The following NPFFR1 variants were observed in gnomAD, a reference collection of about 807,000 sequenced individuals.
NPFFR1 encodes G-protein coupled receptor 147.
A neutral mutation model predicts 12.7 loss-of-function variants in NPFFR1; 17 were observed. The ratio of observed to expected loss-of-function variants is 1.34; its 90% CI spans 0.92 to 2.01. The LOEUF is 2.01. Ranked by LOEUF, NPFFR1 falls within the 30% of genes most tolerant of loss-of-function variation. NPFFR1 has a pLI of 0.00. For missense variants in NPFFR1, 604 were observed against 606.5 expected, an observed-to-expected ratio of 1.00 and a Z score of 0.04; for synonymous variants, 296 against 264.5, an observed-to-expected ratio of 1.12 and a Z score of -1.16.
intron 2 of NPFFR1, 79 bp downstream of exon 2, chr10:70,265,997 TA>T: frequency 7.3e-7 from 1 of 1,362,698 alleles, no homozygotes; most frequent in Non-Finnish European, 1.0e-6. Flanking sequence ...ATCTGTCTTC[TA>T]AGCTTTGATT....
At chr10:70,268,051 T>G (rs1256280750) in intron 1 of NPFFR1, among the ~76,000 whole-genome samples, 5 of 152,300 alleles carry the variant, frequency 3.3e-5, no homozygotes, top group African/African-American at 1.2e-4. Flanking sequence ...AATAAACATA[T>G]ACAAGAGTAT....
chr10:70,265,636 C>A (rs1347566690), intron 2 of NPFFR1, among the ~76,000 whole-genome samples: 1 of 152,238 alleles, frequency 6.6e-6, no homozygotes, highest in Non-Finnish European at 1.5e-5. Flanking sequence ...GGCTCTAATT[C>A]TGCCCATGCG....
chr10:70,277,199 TC>T (rs1225910670), intron 1 of NPFFR1, among the ~76,000 whole-genome samples: 2 of 152,286 alleles, frequency 1.3e-5, no homozygotes, highest in East Asian at 3.9e-4. Context: ...CATTCTTCCC[TC>T]CCAGTAAGAC....
chr10:70,274,996 C>T (rs1471527216), intron 1 of NPFFR1, among the ~76,000 whole-genome samples: 1 of 152,184 alleles, frequency 6.6e-6, no homozygotes, highest in Non-Finnish European at 1.5e-5. Flanking sequence ...GTTCCTCTTG[C>T]AGGCTGAACC....
At position 70,260,691 on chromosome 10, in the gene NPFFR1, C is replaced by G. The variant is rs191021784; in HGVS notation, c.371G>C (p.Gly124Ala). 2.5e-6 allele frequency: 4 copies of G among 1,610,586 alleles called. No homozygotes were observed. In the East Asian group the frequency reaches 8.9e-5, roughly 36 times the overall value. The change falls in exon 3 of 4, where the codon GGC (glycine) becomes GCC (alanine). Residue 124 changes from glycine to alanine, a missense_variant. Gly to Ala is a moderately conservative substitution (Grantham distance 60). Coordinates refer to ENST00000277942, the MANE Select transcript of NPFFR1 (RefSeq NM_022146.5). Reference sequence around the variant, plus strand: ...GAAAACGGAAGCCGACACAGACATGCCCTGCACCAAGCCGCTCATCTTGCA... The same window carrying G: ...GAAAACGGAAGCCGACACAGACATGGCCTGCACCAAGCCGCTCATCTTGCA... ...ATCKMSGLVQGMSVSASVFTL... is the reference protein window; with the variant it reads ...ATCKMSGLVQAMSVSASVFTL...
At chr10:70,275,254 T>A (rs1840791973) in intron 1 of NPFFR1, among the ~76,000 whole-genome samples, 1 of 152,220 alleles carries the variant, frequency 6.6e-6, no homozygotes, top group East Asian at 1.9e-4. Flanking sequence ...GTTTTACCCA[T>A]CAAAAATTGT....
rs183043840 is a variant in NPFFR1 at position 70,269,318 on chromosome 10, G to T, written c.8-2927C>A. 2.6e-3 allele frequency among the ~76,000 whole-genome samples: 392 copies of T among 151,304 alleles called. 6 individuals are homozygous for T. The highest frequency in any genetic ancestry group is 9.0e-3 in the African/African-American group (369 of 41,188). On this transcript the variant is annotated intron_variant, in intron 1 of 3. Coordinates refer to ENST00000277942, the MANE Select transcript of NPFFR1 (RefSeq NM_022146.5). ...ACTACAGCCGTGCGCCACCAAGCTGGGTTAATTTAAGGTTATTTTGTAGAG... is the reference window on the plus strand; with the variant it reads ...ACTACAGCCGTGCGCCACCAAGCTGTGTTAATTTAAGGTTATTTTGTAGAG...
chr10:70,267,439 C>T (rs1174122459), intron 1 of NPFFR1, among the ~76,000 whole-genome samples: 2 of 151,942 alleles, frequency 1.3e-5, no homozygotes, highest in Admixed American at 6.6e-5. Flanking sequence ...TTTTTAAACC[C>T]TCATTGAATT....
At chr10:70,278,007 G>T (rs1840822618) in intron 1 of NPFFR1, 1 of 518,952 alleles carries the variant, frequency 1.9e-6, no homozygotes, top group African/African-American at 1.9e-5. Flanking sequence ...TATCTTTTCT[G>T]TCCCCTAGTC....
rs1186439281 is a variant in NPFFR1 at position 70,255,316 on chromosome 10, G to A, written c.934C>T (p.Pro312Ser). The A allele has an allele frequency of 3.2e-6, 5 of 1,582,004 alleles. No individual in the cohort carries two copies. Among genetic ancestry groups the A allele is most frequent in the Non-Finnish European group, 4.3e-6 (5 of 1,168,076 alleles). ...AAGAAGGCCAGCCAGTGCGCGAAGGGGAAGGCGTAGACGGTGACCAGGTGC... is the reference window on the plus strand; with the variant it reads ...AAGAAGGCCAGCCAGTGCGCGAAGGAGAAGGCGTAGACGGTGACCAGGTGC... Reference protein sequence around the residue: ...QLHLVTVYAFPFAHWLAFFNS... With the variant: ...QLHLVTVYAFSFAHWLAFFNS... The change falls in exon 4 of 4, where the codon CCC (proline) becomes TCC (serine). Residue 312 changes from proline to serine, a missense_variant. Transcript: ENST00000277942. This position sits in a 1 kb window ranked among gnomAD's most constrained non-coding sequence, Gnocchi z 4.2.
Position 70,255,159 on chromosome 10 carries a change from G to T in NPFFR1, c.1091C>A (p.Pro364His). 4 of 1,542,510 alleles carry T rather than the reference G, an allele frequency of 2.6e-6. No homozygotes were observed. Among genetic ancestry groups the T allele is most frequent in the Non-Finnish European group, 2.6e-6 (3 of 1,145,926 alleles). The change falls in exon 4 of 4, where the codon CCC (proline) becomes CAC (histidine). Residue 364 changes from proline to histidine, a missense_variant. By Grantham distance (77) the Pro-to-His change is moderately conservative. Coordinates refer to ENST00000277942, the MANE Select transcript of NPFFR1 (RefSeq NM_022146.5). The surrounding 1 kb of genome is among the most constrained non-coding windows in gnomAD (Gnocchi z 4.2). ...GACCCGCCTGTGCAGAAGCCCGCCG[G>T]GCCGCTCGGAGTAGGCCTCCTTGTG... Reference protein sequence around the residue: ...GSHKEAYSERPGGLLHRRVFV... With the variant: ...GSHKEAYSERHGGLLHRRVFV...
At chr10:70,256,911 T>C (rs1160105216) in intron 3 of NPFFR1, among the ~76,000 whole-genome samples, 1 of 152,250 alleles carries the variant, frequency 6.6e-6, no homozygotes, top group Non-Finnish European at 1.5e-5. Context: ...AGGCCAAGGA[T>C]TCCAACCTAA....
chr10:70,280,579 T>C (rs143258203), intron 1 of NPFFR1, among the ~76,000 whole-genome samples: 1 of 152,364 alleles, frequency 6.6e-6, no homozygotes, highest in East Asian at 1.9e-4. Context: ...ATTGGGTTTT[T>C]TGTTTTCTTG....
In NPFFR1 at chr10:70,248,417, C is replaced by G. The variant is rs1046910962; in HGVS notation, c.*6540G>C. ...TCCTGTCCTCATGGAGCTTATGGTC[C>G]ACTGTGAGAAATAAATAACAGACAC... On this transcript the variant is annotated 3_prime_UTR_variant, in exon 4 of 4. Transcript: ENST00000277942. 8.7e-5 allele frequency: 13 copies of G among 149,142 alleles called. No homozygotes were observed. Among genetic ancestry groups the G allele is most frequent in the African/African-American group, 3.0e-4 (12 of 40,620 alleles). The allele number at this position is 149,142 out of a possible 1,614,324, so 9.2% of individuals were successfully genotyped here.
chr10:70,269,123 T>C (rs769481167), intron 1 of NPFFR1, among the ~76,000 whole-genome samples: 9 of 152,174 alleles, frequency 5.9e-5, no homozygotes, highest in Non-Finnish European at 1.0e-4. Context: ...CATGTTCTGC[T>C]CTCTGTTCCC....
chr10:70,270,701 G>T (rs1341598275), intron 1 of NPFFR1, among the ~76,000 whole-genome samples: 1 of 152,168 alleles, frequency 6.6e-6, no homozygotes, highest in Non-Finnish European at 1.5e-5. Context: ...AGGCAGGCAG[G>T]CCTCCCACCC....
At chr10:70,272,205 A>G (rs1034561689) in intron 1 of NPFFR1, among the ~76,000 whole-genome samples, 1 of 122,460 alleles carries the variant, frequency 8.2e-6, no homozygotes, top group Non-Finnish European at 1.7e-5. Context: ...GAAAGAAAGA[A>G]AGAAAGGAAA....
In NPFFR1 at chr10:70,260,671, CG is replaced by C. The variant is rs1450538623; in HGVS notation, c.390del (p.Val131PhefsTer23). On this transcript the variant is annotated frameshift_variant, in exon 3 of 4. Transcript: ENST00000277942. LOFTEE classifies it low-confidence loss of function (END_TRUNC). ...GLVQGMSVSASVFTLVAIAVE... is the reference protein window; with the variant it reads ...GLVQGMSVSAXVFTLVAIAVE... ...ACAGCAATGGCCACCAGTGTGAAAA[CG>C]GAAGCCGACACAGACATGCCCTGCA... The C allele has an allele frequency of 6.2e-7, 1 of 1,610,990 alleles. No homozygotes were observed. Among genetic ancestry groups the C allele is most frequent in the African/African-American group, 1.3e-5 (1 of 74,868 alleles).
At chr10:70,269,779 T>C (rs1289113503) in intron 1 of NPFFR1, among the ~76,000 whole-genome samples, 9 of 152,086 alleles carry the variant, frequency 5.9e-5, no homozygotes, top group African/African-American at 1.9e-4. Context: ...CCAACCCTCA[T>C]TGCATTTTAA....
Sources: gnomAD v4.1 joint callset for allele counts (sites outside exome capture counted in the v4.1 genomes callset) on GRCh38, gnomAD v4.1.1 for gene constraint, Gnocchi (gnomAD v3.1) non-coding constraint, MANE v1.5 for transcripts, NCBI Gene and HGNC (gene_info 2026-07-23, HGNC 2026-07-21) for gene names.